The following TYW1 variants were observed in gnomAD, a reference collection of about 807,000 sequenced individuals.
TYW1 encodes the protein tRNA-yW synthesizing protein 1 homolog.
Under a neutral mutation model 96.2 loss-of-function variants are expected in TYW1, and 46 were observed. That is an observed-to-expected ratio of 0.48 (90% CI 0.38 to 0.61). The LOEUF is 0.61. Ranked by LOEUF, TYW1 falls within the 20% of genes least tolerant of loss-of-function variation. The pLI, the probability that TYW1 is intolerant of heterozygous loss-of-function variation, is 0.00. For missense variants in TYW1, 684 were observed against 909.6 expected, an observed-to-expected ratio of 0.75 and a Z score of 3.19; for synonymous variants, 274 against 323.0, an observed-to-expected ratio of 0.85 and a Z score of 1.63.
chr7:67,195,282 A>T lies in TYW1; in HGVS notation c.1922A>T (p.Tyr641Phe). ...GAGTTGGTGGATCTGATCCCCGAAT[A>T]TGAAATTGCATGTGAACACGAACAC... ...VHELVDLIPE[Y>F]EIACEHEHSN... Residue 641 changes from tyrosine (Y) to phenylalanine (F), a missense_variant, in exon 15 of 16, where the codon TAT becomes TTT. Transcript: ENST00000359626. The T allele has an allele frequency of 6.2e-7, 1 of 1,611,708 alleles. No individual in the cohort carries two copies. Among genetic ancestry groups the T allele is most frequent in the Non-Finnish European group, 8.5e-7 (1 of 1,178,738 alleles).
At chr7:67,012,085 C>T (rs1173147756) in intron 4 of TYW1, among the ~76,000 whole-genome samples, 2 of 152,094 alleles carry the variant, frequency 1.3e-5, no homozygotes, top group African/African-American at 2.4e-5. Context: ...CGTGGTGGCT[C>T]TCGCCTGTAT....
intron 9 of TYW1, among the ~76,000 whole-genome samples, chr7:67,063,514 A>G (rs1359341521): frequency 3.4e-5 from 5 of 146,252 alleles, no homozygotes; most frequent in Non-Finnish European, 7.5e-5. Context: ...TGTTATGTAG[A>G]AAATCTCAAG....
At chr7:67,206,030 C>T (rs12154257) in intron 15 of TYW1, among the ~76,000 whole-genome samples, 39,935 of 151,400 alleles carry the variant, frequency 0.26, 5,364 homozygotes, top group African/African-American at 0.35. Flanking sequence ...TAGGGAGAGG[C>T]ACGTCTACTC....
Position 67,163,644 on chromosome 7 carries a change from A to G in TYW1, c.1699-19482A>G, listed in dbSNP as rs1799232977. ...GGCATGTCTTTTCTACTCTCTGCCA[A>G]ATTTCTGATCTTTAAGCAGGAGAAT... On this transcript the variant is annotated intron_variant, in intron 13 of 15. Transcript: ENST00000359626. 2.0e-5 allele frequency among the ~76,000 whole-genome samples: 3 copies of G among 151,386 alleles called. No individual in the cohort carries two copies. In the South Asian group the frequency reaches 6.3e-4, roughly 32 times the overall value.
chr7:67,195,259 G>A lies in TYW1; in HGVS notation c.1899G>A (p.Glu633=). The A allele has an allele frequency of 3.1e-6, 5 of 1,598,186 alleles. No individual in the cohort carries two copies. The highest frequency in any genetic ancestry group is 4.3e-6 in the Non-Finnish European group (5 of 1,168,884). ...WHEEVVQFVH[E]LVDLIPEYEI... ...AGGAAGTGGTACAGTTTGTCCACGA[G>A]TTGGTGGATCTGATCCCCGAATATG... Residue 633 remains glutamate (E), a synonymous_variant, in exon 15 of 16, where the codon GAG becomes GAA. Transcript: ENST00000359626.
chr7:67,192,307 T>C (rs1252953224), intron 14 of TYW1, among the ~76,000 whole-genome samples: 1 of 152,218 alleles, frequency 6.6e-6, no homozygotes, highest in African/African-American at 2.4e-5. Context: ...GCAGCAGGCA[T>C]TCTCTCATTC....
chr7:67,198,233 A>C (rs1421837206), intron 15 of TYW1, among the ~76,000 whole-genome samples: 2 of 152,148 alleles, frequency 1.3e-5, no homozygotes, highest in Admixed American at 1.3e-4. Flanking sequence ...ACTCTATAGG[A>C]GTCAGCCAAC....
intron 10 of TYW1, among the ~76,000 whole-genome samples, chr7:67,080,780 G>A (rs1051995479): frequency 6.6e-6 from 1 of 151,954 alleles, no homozygotes; most frequent in Non-Finnish European, 1.5e-5. Flanking sequence ...GGTGAAGTGA[G>A]TTTCTTGTAG....
intron 15 of TYW1, among the ~76,000 whole-genome samples, chr7:67,224,504 C>T (rs1801494402): frequency 6.6e-6 from 1 of 152,226 alleles, no homozygotes; most frequent in South Asian, 2.1e-4. Context: ...GCTGTTCCTG[C>T]TGGCACAGTT....
intron 12 of TYW1, among the ~76,000 whole-genome samples, chr7:67,104,984 G>T (rs1019316063): frequency 6.6e-5 from 10 of 152,228 alleles, no homozygotes; most frequent in African/African-American, 2.4e-4. Flanking sequence ...TTGATGATGG[G>T]CTGGGCTGGG....
At chr7:67,095,314 T>C (rs1293115664) in intron 11 of TYW1, among the ~76,000 whole-genome samples, 2 of 152,004 alleles carry the variant, frequency 1.3e-5, no homozygotes, top group African/African-American at 4.8e-5. Context: ...GCATGCTTTT[T>C]ACAAGCAACT....
chr7:67,189,554 C>T (rs185351088), intron 14 of TYW1, among the ~76,000 whole-genome samples: 51 of 152,192 alleles, frequency 3.4e-4, no homozygotes, highest in African/African-American at 1.1e-3. Flanking sequence ...AGGCAGTGCC[C>T]AGTTTTGATA....
rs182290698 is a variant in TYW1 at position 67,142,482 on chromosome 7, G to T, written c.1698+24864G>T. 1.4e-3 allele frequency among the ~76,000 whole-genome samples: 207 copies of T among 152,090 alleles called. 1 individual carries two copies. The highest frequency in any genetic ancestry group is 4.7e-3 in the African/African-American group (195 of 41,518). On this transcript the variant is annotated intron_variant, in intron 13 of 15. Transcript: ENST00000359626. ...CTCGCTCTGTCACCCAGTCTGGAGT[G>T]CAGTGGCATGATCTCAGCTCACTGA... is the stretch of plus-strand genomic sequence containing the variant.
intron 10 of TYW1, among the ~76,000 whole-genome samples, chr7:67,073,696 C>T (rs556690726): frequency 3.3e-4 from 47 of 141,074 alleles, no homozygotes; most frequent in Non-Finnish European, 5.9e-4. Context: ...ACTGCTTGAA[C>T]CCAGGAGGTG....
intron 9 of TYW1, among the ~76,000 whole-genome samples, chr7:67,059,930 G>A (rs1040226572): frequency 1.3e-5 from 2 of 148,880 alleles, no homozygotes; most frequent in Non-Finnish European, 3.0e-5. Flanking sequence ...GCATCACCAC[G>A]CCTGGGTAAT....
At chr7:67,078,678 T>C (rs779498901) in intron 10 of TYW1, among the ~76,000 whole-genome samples, 6 of 152,128 alleles carry the variant, frequency 3.9e-5, no homozygotes, top group East Asian at 3.8e-4. Flanking sequence ...CTCAGTGATA[T>C]GAAATTTTCT....
chr7:67,046,174 G>A (rs565229694), intron 7 of TYW1, among the ~76,000 whole-genome samples: 14 of 152,286 alleles, frequency 9.2e-5, no homozygotes, highest in East Asian at 5.8e-4. Flanking sequence ...GGAGCATGCC[G>A]TGAGGTGATG....
At chr7:67,171,716 CT>C (rs1485523664) in intron 13 of TYW1, among the ~76,000 whole-genome samples, 2 of 151,974 alleles carry the variant, frequency 1.3e-5, no homozygotes, top group Non-Finnish European at 2.9e-5. Context: ...GTGAATTGGC[CT>C]TTTTATAATG....
At chr7:67,136,184 G>A (rs1284816848) in intron 13 of TYW1, among the ~76,000 whole-genome samples, 1 of 152,070 alleles carries the variant, frequency 6.6e-6, no homozygotes, top group African/African-American at 2.4e-5. Context: ...AAATCAAACT[G>A]GTATTTGAAC....
Sources: gnomAD v4.1 joint callset for allele counts (sites outside exome capture counted in the v4.1 genomes callset) on GRCh38, gnomAD v4.1.1 for gene constraint, MANE v1.5 for transcripts, NCBI Gene and HGNC (gene_info 2026-07-23, HGNC 2026-07-21) for gene names.